Variants in EMG1 observed in about 807,000 individuals in gnomAD.
EMG1 encodes the protein ribosomal RNA small subunit methyltransferase NEP1.
Under a neutral mutation model 26.9 loss-of-function variants are expected in EMG1, and 24 were observed. That is an observed-to-expected ratio of 0.89 (90% CI 0.65 to 1.26). The LOEUF is 1.26. Among genes scored for constraint, EMG1 ranks in the 50% most tolerant of loss-of-function variants. The pLI, the probability that EMG1 is intolerant of heterozygous loss-of-function variation, is 0.00. For missense variants in EMG1, 299 were observed against 307.6 expected (o/e 0.97, Z 0.21); for synonymous variants, 140 against 112.6 (o/e 1.24, Z -1.54).
chr12:6,988,029 C>T (rs1555154996), intron 7 of EMG1: 2 of 384,896 alleles, frequency 5.2e-6, no homozygotes, highest in East Asian at 7.4e-5. Flanking sequence ...CCTTAGAAAC[C>T]ATAACCTTAT....
downstream of EMG1, chr12:6,980,021 CTTTTTTTTTTT>C (rs34110645): frequency 1.6e-5 from 2 of 122,838 alleles, no homozygotes; most frequent in African/African-American, 3.0e-5. Flanking sequence ...GGCAATTAAA[CTTTTTTTTTTT>C]TTTTTTTTTT....
Position 6,975,248 on chromosome 12 carries a change from C to G in EMG1, c.491C>G (p.Ser164Ter), listed in dbSNP as rs782554231. 5 of 1,613,812 alleles carry G rather than the reference C, an allele frequency of 3.1e-6. No individual in the cohort carries two copies. In the South Asian group the frequency reaches 5.5e-5, roughly 18 times the overall value. Residue 164 changes from serine to a stop codon, truncating the protein, a stop_gained, in exon 5 of 6, where the codon TCA (serine) becomes TGA (stop). Coordinates refer to ENST00000599672, the MANE Select transcript of EMG1 (RefSeq NM_006331.8). LOFTEE classifies it high-confidence loss of function. ...CTTTAGGTAATTAAGAATCCAGTAT[C>G]AGATCACTTTCCAGTTGGATGTATG... is the stretch of plus-strand genomic sequence containing the variant. ...KLLKVIKNPV[S>*]DHFPVGCMKV...
Position 6,979,375 on chromosome 12 carries a change from G to T in EMG1, c.*3566G>T. 1.1e-6 allele frequency: 1 copy of T among 891,764 alleles called. No homozygotes were observed. The highest frequency in any genetic ancestry group is 1.8e-6 in the Non-Finnish European group (1 of 554,274). 55.2% of individuals were successfully genotyped at this position (891,764 alleles called of 1,614,324 possible). A position where few individuals can be genotyped will look rare whatever the true frequency, so the allele number is the denominator to read the frequency against. On this transcript the variant is annotated 3_prime_UTR_variant, in exon 6 of 6. Transcript: ENST00000599672. ...GCAAAACCAACATGCACTTGTAGAT[G>T]ATATTTCCTACTTCTCTGCTATCTG...
intron 3 of EMG1, 31 bp from the exon 4 acceptor site, chr12:6,975,059 C>G (rs782349027): frequency 1.2e-6 from 2 of 1,610,836 alleles, no homozygotes; most frequent in Admixed American, 1.7e-5. Flanking sequence ...TGGTCTCCAT[C>G]TAGCTCTGAA....
At chr12:6,992,295 C>T (rs1041396832), downstream of EMG1, among the ~76,000 whole-genome samples, 3 of 151,454 alleles carry the variant, frequency 2.0e-5, no homozygotes, top group Non-Finnish European at 2.9e-5. Context: ...ATGCCCCCAC[C>T]GCACTCTAGC....
At chr12:6,986,788 T>C (rs1946530619) in intron 6 of EMG1, among the ~76,000 whole-genome samples, 1 of 121,812 alleles carries the variant, frequency 8.2e-6, no homozygotes, top group African/African-American at 3.3e-5. Flanking sequence ...AGAGTGAGAC[T>C]CTGTCTCAAA....
chr12:6,990,567 T>TA (rs1565601311), downstream of EMG1, among the ~76,000 whole-genome samples: 156 of 120,766 alleles, frequency 1.3e-3, no homozygotes, highest in East Asian at 2.2e-3. Context: ...ATAAATAAAT[T>TA]GAGCACCCCA....
chr12:6,974,455 A>G lies in EMG1; in HGVS notation c.270+15A>G, dbSNP rs370810704. ...TCACCCACCAGGTAACTCCAGGGAC[A>G]GTGCTCACAACCCTTTGAGCCTCTG... On this transcript the variant is annotated intron_variant, in intron 2 of 5. Coordinates refer to ENST00000599672, the MANE Select transcript of EMG1 (RefSeq NM_006331.8). 8.7e-6 allele frequency: 14 copies of G among 1,610,938 alleles called. No individual in the cohort carries two copies. The highest frequency in any genetic ancestry group is 3.3e-5 in the Admixed American group (2 of 59,932).
Position 6,977,708 on chromosome 12 carries a change from C to A in EMG1, c.*1899C>A. Reference sequence around the variant, plus strand: ...AGCAACGAGAGACCCTGAGAGAGTTCTTTATTTCCAAGGAACTTGAGTCGT... The same window carrying A: ...AGCAACGAGAGACCCTGAGAGAGTTATTTATTTCCAAGGAACTTGAGTCGT... On this transcript the variant is annotated 3_prime_UTR_variant, in exon 6 of 6. Coordinates refer to ENST00000599672, the MANE Select transcript of EMG1 (RefSeq NM_006331.8). The surrounding 1 kb of genome is among the most constrained non-coding windows in gnomAD (Gnocchi z 4.5). The A allele has an allele frequency of 6.2e-7, 1 of 1,614,166 alleles. No homozygotes were observed.
At chr12:6,971,270 CTTTCTTT>C (rs1946323576) in intron 1 of EMG1, among the ~76,000 whole-genome samples, 179 bp downstream of exon 1, 1 of 141,818 alleles carries the variant, frequency 7.1e-6, no homozygotes, top group East Asian at 2.2e-4. Context: ...ACTCATTTTT[CTTTCTTT>C]TTTTTTTTTT....
rs1270424363 is a variant in EMG1, at chr12:6,979,233, A to G, written c.*3424A>G. The G allele has an allele frequency of 1.8e-6, 1 of 549,908 alleles. No individual in the cohort carries two copies. Among genetic ancestry groups the G allele is most frequent in the Non-Finnish European group, 3.2e-6 (1 of 308,908 alleles). The allele number at this position is 549,908 out of a possible 1,614,324, so 34.1% of individuals were successfully genotyped here. On this transcript the variant is annotated 3_prime_UTR_variant, in exon 6 of 6. Transcript: ENST00000599672. The stretch of plus-strand genomic sequence containing the variant: ...AAGGCAAGCTAGGAGCGGCTCCTAG[A>G]GAAGGCAACGGGTGCTAAATGTGCA...
intron 7 of EMG1, among the ~76,000 whole-genome samples, chr12:6,994,603 A>T (rs1320462442): frequency 6.6e-6 from 1 of 152,052 alleles, no homozygotes; most frequent in Admixed American, 6.6e-5. Context: ...AGCAGCTGGG[A>T]CTACAGGTGT....
rs1378074609 is a variant in EMG1, at chr12:6,976,746, C to G, written c.*937C>G. 6.2e-6 allele frequency: 1 copy of G among 162,340 alleles called. No homozygotes were observed. The highest frequency in any genetic ancestry group is 1.4e-5 in the Non-Finnish European group (1 of 74,054). The allele number at this position is 162,340 out of a possible 1,614,324, so 10.1% of individuals were successfully genotyped here. ...TCCAAAAAAAAGTTTCCCCTTTGGC[C>G]CCAAATGAAGACTTGGCTGGCAGCA... On this transcript the variant is annotated 3_prime_UTR_variant, in exon 6 of 6. Transcript: ENST00000599672.
Position 6,978,310 on chromosome 12 carries a change from C to G in EMG1, c.*2501C>G. On this transcript the variant is annotated 3_prime_UTR_variant, in exon 6 of 6. Transcript: ENST00000599672. Reference sequence around the variant, plus strand: ...CTGGGAAGACAGTGGAAGGAAGGAACCAGGGTCCAGGCTCCCCACCAGCAG... The same window carrying G: ...CTGGGAAGACAGTGGAAGGAAGGAAGCAGGGTCCAGGCTCCCCACCAGCAG... 4.4e-6 allele frequency: 7 copies of G among 1,583,384 alleles called. No individual in the cohort carries two copies. The highest frequency in any genetic ancestry group is 6.0e-6 in the Non-Finnish European group (7 of 1,163,914).
Position 6,975,878 on chromosome 12 carries a change from C to T in EMG1, c.*69C>T, listed in dbSNP as rs782041506. ...ATCCTTTGACCCTGGTCTGAGCTGA[C>T]TGCTGGAAGATGATCTTTCTGCACT... On this transcript the variant is annotated 3_prime_UTR_variant, in exon 6 of 6. Coordinates refer to ENST00000599672, the MANE Select transcript of EMG1 (RefSeq NM_006331.8). 2.2e-6 allele frequency: 2 copies of T among 916,190 alleles called. No homozygotes were observed. The highest frequency in any genetic ancestry group is 3.6e-6 in the Non-Finnish European group (2 of 556,910). The allele number at this position is 916,190 out of a possible 1,614,324, so 56.8% of individuals were successfully genotyped here.
rs923751515 is a variant in EMG1, at chr12:6,987,464, A to G, written c.*155-318A>G. On this transcript the variant is annotated intron_variant and NMD_transcript_variant, in intron 6 of 7. Transcript: ENST00000261406. This position sits in a 1 kb window ranked among gnomAD's most constrained non-coding sequence, Gnocchi z 4.1. ...CAAGTCTCATATATTTCACATGGGC[A>G]GAAATTTGGCAGAGACAGAACACCA... Among the ~76,000 whole-genome samples the G allele has an allele frequency of 6.6e-6, 1 of 152,244 alleles. No individual in the cohort carries two copies. Among genetic ancestry groups the G allele is most frequent in the Non-Finnish European group, 1.5e-5 (1 of 68,042 alleles).
At chr12:6,988,181 G>GA (rs1398144747) in exon 8 of EMG1, 2 of 187,350 alleles carry the variant, frequency 1.1e-5, no homozygotes, top group African/African-American at 2.3e-5. Context: ...CGTTTTGCAG[G>GA]AGGGGACGTT....
rs1461795373 is a variant in EMG1 at position 6,985,117 on chromosome 12, C to T, written c.*154+1911C>T. Among the ~76,000 whole-genome samples, 6 of 141,682 alleles carry T rather than the reference C, an allele frequency of 4.2e-5. No homozygotes were observed. The East Asian group carries it at 1.2e-3, about 29-fold the overall frequency. The allele number at this position is 141,682 out of a possible 152,430, so 92.9% of individuals were successfully genotyped here. A position where few individuals can be genotyped will look rare whatever the true frequency, so the allele number is the denominator to read the frequency against. On this transcript the variant is annotated intron_variant and NMD_transcript_variant, in intron 6 of 7. Coordinates refer to the EMG1 transcript ENST00000261406. ...AAAAAAAAAAAAAAAAAAGGCTGGG[C>T]GCGGTGGCTCATGCCTGTAATCCCA...
chr12:6,981,860 G>A (rs60718946), downstream of EMG1: 9,563 of 1,613,806 alleles, frequency 5.9e-3, 417 homozygotes, highest in African/African-American at 0.091. Flanking sequence ...ACTTGATATC[G>A]TAGTTGCCGG....
Sources: allele counts gnomAD v4.1 joint callset (sites outside exome capture counted in the v4.1 genomes callset), GRCh38; gene constraint gnomAD v4.1.1; non-coding constraint Gnocchi (gnomAD v3.1); transcripts MANE v1.5; gene names NCBI Gene and HGNC (gene_info 2026-07-23, HGNC 2026-07-21).